NBAS: variants seen among roughly 807,000 people sequenced by gnomAD.
NBAS encodes the protein NAG/BC035112 fusion.
In NBAS, 219 loss-of-function variants were observed where a neutral mutation model predicts 302.5. That is an observed-to-expected ratio of 0.72 (90% confidence interval 0.65 to 0.81). The LOEUF (loss-of-function observed/expected upper bound fraction) is 0.81, where lower values mean the gene tolerates loss of function less well. NBAS is among the 30% of genes least tolerant of loss of function. The pLI, the probability that NBAS is intolerant of heterozygous loss-of-function variation, is 0.00. For missense variants in NBAS, 2,932 were observed against 2,841.6 expected, an observed-to-expected ratio of 1.03 and a Z score of -0.72; for synonymous variants, 1,118 against 1,021.6, an observed-to-expected ratio of 1.09 and a Z score of -1.80.
intron 28 of NBAS, among the ~76,000 whole-genome samples, chr2:15,391,243 G>A (rs995750557): frequency 6.8e-6 from 1 of 147,978 alleles, no homozygotes; most frequent in Non-Finnish European, 1.5e-5. Context: ...AAGAAGAAAT[G>A]TTAGAAAAAG....
intron 21 of NBAS, among the ~76,000 whole-genome samples, chr2:15,447,083 A>G (rs1420198069): frequency 1.3e-5 from 2 of 152,220 alleles, no homozygotes; most frequent in African/African-American, 4.8e-5. Flanking sequence ...ATGCCAACAC[A>G]CGGGACATGT....
At chr2:14,927,016 C>A in the NBAS span, among the ~76,000 whole-genome samples, 1 of 152,196 alleles carries the variant, frequency 6.6e-6, no homozygotes, top group Non-Finnish European at 1.5e-5. Flanking sequence ...ACAGCTGGGC[C>A]TCATCCAATC....
At chr2:15,042,925 A>G in the NBAS span, among the ~76,000 whole-genome samples, 1 of 152,236 alleles carries the variant, frequency 6.6e-6, no homozygotes, top group African/African-American at 2.4e-5. Flanking sequence ...TTCCTGATGC[A>G]ACGACTTGAC....
chr2:14,788,584 C>T, the NBAS span, among the ~76,000 whole-genome samples: 1 of 152,168 alleles, frequency 6.6e-6, no homozygotes, highest in Non-Finnish European at 1.5e-5. Context: ...GCTAGAGGTC[C>T]ACTCCAGACC....
chr2:15,039,936 C>T, the NBAS span, among the ~76,000 whole-genome samples: 10 of 152,178 alleles, frequency 6.6e-5, no homozygotes, highest in Admixed American at 5.2e-4. Flanking sequence ...CAGCTTAAGT[C>T]TTGTAATAGG....
chr2:15,020,676 T>C, the NBAS span, among the ~76,000 whole-genome samples: 1 of 151,998 alleles, frequency 6.6e-6, no homozygotes, highest in Non-Finnish European at 1.5e-5. Flanking sequence ...AGAGGAAGAT[T>C]GGAAACAAAA....
chr2:15,334,343 C>T (rs1458668680), intron 35 of NBAS, among the ~76,000 whole-genome samples: 1 of 152,102 alleles, frequency 6.6e-6, no homozygotes, highest in African/African-American at 2.4e-5. Context: ...GTGCCCACCA[C>T]CACGCCCAGC....
At chr2:14,983,276 A>C in the NBAS span, among the ~76,000 whole-genome samples, 1 of 152,198 alleles carries the variant, frequency 6.6e-6, no homozygotes, top group South Asian at 2.1e-4. Context: ...GCCTCATTGG[A>C]TTTTAATCCA....
At chr2:14,817,273 T>C in the NBAS span, among the ~76,000 whole-genome samples, 15 of 152,228 alleles carry the variant, frequency 9.9e-5, no homozygotes, top group African/African-American at 2.9e-4. Flanking sequence ...AGTACTTACC[T>C]CTACCCATGC....
At chr2:14,900,080 TGA>T in the NBAS span, among the ~76,000 whole-genome samples, 1 of 150,664 alleles carries the variant, frequency 6.6e-6, no homozygotes, top group African/African-American at 2.4e-5. Flanking sequence ...AGAATGGAAA[TGA>T]GAGTTCCGAA....
intron 50 of NBAS, among the ~76,000 whole-genome samples, chr2:15,184,743 G>C (rs1664996669): frequency 6.6e-6 from 1 of 152,192 alleles, no homozygotes; most frequent in Non-Finnish European, 1.5e-5. Flanking sequence ...GGGGAAGCCT[G>C]ATACACATAA....
the NBAS span, among the ~76,000 whole-genome samples, chr2:15,027,732 T>A: frequency 6.6e-6 from 1 of 152,232 alleles, no homozygotes; most frequent in Admixed American, 6.5e-5. Flanking sequence ...TTTTTCCATT[T>A]AGGATAACGT....
At chr2:15,176,324 G>T (rs1363048940) in intron 51 of NBAS, among the ~76,000 whole-genome samples, 3 of 152,158 alleles carry the variant, frequency 2.0e-5, no homozygotes, top group African/African-American at 7.2e-5. Context: ...ATTAGCAGTT[G>T]CCAGGGGTTG....
At chr2:14,927,892 C>T in the NBAS span, among the ~76,000 whole-genome samples, 1 of 151,998 alleles carries the variant, frequency 6.6e-6, no homozygotes, top group East Asian at 1.9e-4. Context: ...TTTAATTGGG[C>T]CATTTGTTTT....
chr2:15,492,131 G>C (rs1184791799), intron 11 of NBAS, among the ~76,000 whole-genome samples: 2 of 152,180 alleles, frequency 1.3e-5, no homozygotes, highest in South Asian at 4.1e-4. Flanking sequence ...AGAAATTACA[G>C]TATAATAAAT....
chr2:15,340,503 T>C lies in NBAS; in HGVS notation c.4180-9738A>G, dbSNP rs183863012. On this transcript the variant is annotated intron_variant, in intron 35 of 51. Transcript: ENST00000281513. ...GTAGTTCAATTTTAACATATTGAGA[T>C]TGGGTTGTCTATAAGAAATTAACTA... is the stretch of plus-strand genomic sequence containing the variant. 9.2e-5 allele frequency among the ~76,000 whole-genome samples: 14 copies of C among 152,116 alleles called. No homozygotes were observed. In the East Asian group the frequency reaches 1.4e-3, roughly 15 times the overall value.
At chr2:14,946,424 G>C in the NBAS span, among the ~76,000 whole-genome samples, 1 of 151,988 alleles carries the variant, frequency 6.6e-6, no homozygotes, top group South Asian at 2.1e-4. Flanking sequence ...ACAAATCAAA[G>C]ACTGTAAAAA....
chr2:15,316,913 A>G (rs562499903), intron 38 of NBAS, among the ~76,000 whole-genome samples: 27 of 152,320 alleles, frequency 1.8e-4, no homozygotes, highest in Non-Finnish European at 2.8e-4. Flanking sequence ...GAAAGGACAG[A>G]CTGCCTCCTC....
At chr2:14,807,145 G>A in the NBAS span, among the ~76,000 whole-genome samples, 1 of 152,076 alleles carries the variant, frequency 6.6e-6, no homozygotes. Flanking sequence ...AATATCAGGG[G>A]GGGGTTCACA....
Sources: gnomAD v4.1 joint callset for allele counts (sites outside exome capture counted in the v4.1 genomes callset) on GRCh38, gnomAD v4.1.1 for gene constraint, MANE v1.5 for transcripts, NCBI Gene and HGNC (gene_info 2026-07-23, HGNC 2026-07-21) for gene names.